ERBB4: variants seen among roughly 807,000 people sequenced by gnomAD.
ERBB4 encodes receptor tyrosine-protein kinase erbB-4.
In ERBB4, 42 loss-of-function variants were observed where a neutral mutation model predicts 158.0. The observed-to-expected ratio is 0.27, with a 90% CI of 0.21 to 0.34. The LOEUF (loss-of-function observed/expected upper bound fraction) is 0.34, where lower values mean the gene tolerates loss of function less well. Ranked by LOEUF, ERBB4 falls within the 10% of genes least tolerant of loss-of-function variation. The pLI, the probability that ERBB4 is intolerant of heterozygous loss-of-function variation, is 1.00. For synonymous variants in ERBB4, 583 were observed against 558.7 expected, an observed-to-expected ratio of 1.04 and a Z score of -0.61; for missense variants, 1,333 against 1,624.1, an observed-to-expected ratio of 0.82 and a Z score of 3.08.
At chr2:211,807,558 G>A (rs2076648802) in intron 3 of ERBB4, among the ~76,000 whole-genome samples, 1 of 152,148 alleles carries the variant, frequency 6.6e-6, no homozygotes, top group Admixed American at 6.5e-5. Flanking sequence ...GGATATTTGG[G>A]TTGGTTCCAA....
intron 1 of ERBB4, among the ~76,000 whole-genome samples, chr2:212,426,672 T>C (rs1168226236): frequency 6.6e-6 from 1 of 152,092 alleles, no homozygotes; most frequent in African/African-American, 2.4e-5. Context: ...GTAATAATGA[T>C]GCGCTTGTAC....
At chr2:211,949,173 AG>A (rs1274948196) in intron 2 of ERBB4, among the ~76,000 whole-genome samples, 2 of 152,100 alleles carry the variant, frequency 1.3e-5, no homozygotes, top group African/African-American at 2.4e-5. Flanking sequence ...TTCCTCATCT[AG>A]GTTATTGCAA....
At chr2:211,794,865 C>T (rs1002251459) in intron 3 of ERBB4, among the ~76,000 whole-genome samples, 6 of 151,704 alleles carry the variant, frequency 4.0e-5, no homozygotes, top group African/African-American at 1.5e-4. Flanking sequence ...TGTATTCTCC[C>T]TGTGTTTTCT....
At chr2:211,828,875 G>A (rs1559553512) in intron 3 of ERBB4, among the ~76,000 whole-genome samples, 1 of 151,998 alleles carries the variant, frequency 6.6e-6, no homozygotes, top group Non-Finnish European at 1.5e-5. Flanking sequence ...CTCCTTTTCT[G>A]GGAGCACTGT....
At chr2:211,886,780 G>A (rs1339494289) in intron 3 of ERBB4, among the ~76,000 whole-genome samples, 1 of 152,174 alleles carries the variant, frequency 6.6e-6, no homozygotes, top group Non-Finnish European at 1.5e-5. Context: ...ATCTACACAT[G>A]CAGACTGTCC....
chr2:212,258,628 TATA>T (rs2106077053), intron 1 of ERBB4, among the ~76,000 whole-genome samples: 1 of 148,118 alleles, frequency 6.8e-6, no homozygotes, highest in South Asian at 2.1e-4. Flanking sequence ...ATATAATATA[TATA>T]ATAATATATA....
At chr2:211,467,093 G>A (rs1223542141) in intron 20 of ERBB4, among the ~76,000 whole-genome samples, 1 of 152,008 alleles carries the variant, frequency 6.6e-6, no homozygotes, top group East Asian at 1.9e-4. Flanking sequence ...CTTTTCTTTA[G>A]AGTGACAGAA....
chr2:211,812,254 G>A (rs1402601915), intron 3 of ERBB4, among the ~76,000 whole-genome samples: 1 of 152,192 alleles, frequency 6.6e-6, no homozygotes. Context: ...ATTCCTTTCT[G>A]TTTATTAGTT....
At chr2:211,718,767 G>A (rs1248885305) in intron 7 of ERBB4, among the ~76,000 whole-genome samples, 1 of 150,890 alleles carries the variant, frequency 6.6e-6, no homozygotes, top group Non-Finnish European at 1.5e-5. Context: ...ACAGTGAAAA[G>A]ATAATGTGTT....
chr2:212,293,702 G>A (rs2086290410), intron 1 of ERBB4, among the ~76,000 whole-genome samples: 1 of 151,898 alleles, frequency 6.6e-6, no homozygotes, highest in African/African-American at 2.4e-5. Context: ...ACAAAAATTA[G>A]CTGGGCATGG....
At chr2:212,331,598 A>G (rs1234110597) in intron 1 of ERBB4, among the ~76,000 whole-genome samples, 1 of 152,022 alleles carries the variant, frequency 6.6e-6, no homozygotes, top group East Asian at 1.9e-4. Context: ...CTGTAGCTAG[A>G]GATAATATTA....
chr2:211,725,966 C>A (rs548106289), intron 5 of ERBB4, among the ~76,000 whole-genome samples: 2 of 152,094 alleles, frequency 1.3e-5, no homozygotes, highest in African/African-American at 2.4e-5. Context: ...AGCATCATAT[C>A]GAGGTATACT....
Position 211,387,075 on chromosome 2 carries a change from T to G in ERBB4, c.3259A>C (p.Thr1087Pro), listed in dbSNP as rs781330330. ...VSVPYRAPTS[T>P]IPEAPVAQGA... The stretch of plus-strand genomic sequence containing the variant: ...TGTGCCACAGGAGCTTCTGGAATTG[T>G]GCTAGTTGGGGCTCTGTAGGGCACA... Residue 1087 changes from threonine to proline, a missense_variant, in exon 27 of 28, where the codon ACA becomes CCA. Transcript: ENST00000342788. 2 of 1,614,010 alleles carry G rather than the reference T, an allele frequency of 1.2e-6. No individual in the cohort carries two copies. The highest frequency in any genetic ancestry group is 1.7e-6 in the Non-Finnish European group (2 of 1,179,928).
chr2:212,417,321 G>A (rs188545728), intron 1 of ERBB4, among the ~76,000 whole-genome samples: 6 of 152,116 alleles, frequency 3.9e-5, no homozygotes, highest in Admixed American at 3.9e-4. Flanking sequence ...CACTTATACT[G>A]TCTTAAATTA....
chr2:211,491,606 T>A (rs2065345097), intron 20 of ERBB4, among the ~76,000 whole-genome samples: 1 of 152,040 alleles, frequency 6.6e-6, no homozygotes, highest in Admixed American at 6.5e-5. Context: ...GAAACTATGT[T>A]GGTTTGGTAA....
chr2:211,729,025 T>A (rs1254069019), intron 5 of ERBB4, among the ~76,000 whole-genome samples: 2 of 151,800 alleles, frequency 1.3e-5, no homozygotes, highest in South Asian at 2.1e-4. Flanking sequence ...TAATCCAATG[T>A]AGTACAATCT....
intron 20 of ERBB4, among the ~76,000 whole-genome samples, chr2:211,546,179 C>T (rs920173540): frequency 5.9e-5 from 9 of 152,036 alleles, no homozygotes; most frequent in Non-Finnish European, 1.2e-4. Flanking sequence ...TATCAACATT[C>T]TACATCCCTT....
At chr2:212,240,385 G>A (rs769334139) in intron 1 of ERBB4, among the ~76,000 whole-genome samples, 9 of 151,868 alleles carry the variant, frequency 5.9e-5, no homozygotes, top group Admixed American at 3.9e-4. Context: ...TATGGTTCAC[G>A]TCTGTAATCA....
intron 19 of ERBB4, among the ~76,000 whole-genome samples, chr2:211,617,846 T>G (rs1553594846): frequency 6.6e-6 from 1 of 152,024 alleles, no homozygotes; most frequent in Non-Finnish European, 1.5e-5. Flanking sequence ...CATTTGAAAA[T>G]AGAAATCATT....
Sources: gnomAD v4.1 joint callset for allele counts (sites outside exome capture counted in the v4.1 genomes callset) on GRCh38, gnomAD v4.1.1 for gene constraint, MANE v1.5 for transcripts, NCBI Gene and HGNC (gene_info 2026-07-23, HGNC 2026-07-21) for gene names.